Variants in RNF24 observed in about 807,000 individuals in gnomAD.
The protein encoded by RNF24 is ring finger protein 24.
Under a neutral mutation model 20.0 loss-of-function variants are expected in RNF24, and 14 were observed. The ratio of observed to expected loss-of-function variants is 0.70; its 90% CI spans 0.46 to 1.10. The LOEUF is 1.10. Among genes scored for constraint, RNF24 ranks in the 50% least tolerant of loss-of-function variants. RNF24 has a pLI of 0.00. For synonymous variants in RNF24, 45 were observed against 61.1 expected (o/e 0.74, Z 1.23); for missense variants, 124 against 177.6 (o/e 0.70, Z 1.71).
In RNF24 at chr20:3,934,143, G is replaced by A. The variant is rs1359102262; in HGVS notation, c.367C>T (p.Leu123=). 6.3e-7 allele frequency: 1 copy of A among 1,593,914 alleles called. No homozygotes were observed. Among genetic ancestry groups the A allele is most frequent in the South Asian group, 1.1e-5 (1 of 89,250 alleles). ...TTACTGTGCAACTGGGCCAGCTGTA[G>A]AACTGGCATGTTGCACAGGGGACAC... is the stretch of plus-strand genomic sequence containing the variant. ...KVCPLCNMPV[L]QLAQLHSKQD... is the part of the protein sequence containing the mutation. The change falls in exon 6 of 6, where the codon CTA becomes TTA. Residue 123 remains leucine (L), a synonymous_variant. Coordinates refer to ENST00000358395, the MANE Select transcript of RNF24 (RefSeq NM_001134337.3). This position sits in a 1 kb window ranked among gnomAD's most constrained non-coding sequence, Gnocchi z 4.0.
intron 1 of RNF24, among the ~76,000 whole-genome samples, chr20:4,000,270 T>A (rs1168138818): frequency 6.6e-6 from 1 of 152,192 alleles, no homozygotes; most frequent in East Asian, 1.9e-4. Flanking sequence ...AAGCCTGTGA[T>A]CCCAGCACTT....
chr20:3,952,944 G>T (rs1160035728), intron 2 of RNF24, among the ~76,000 whole-genome samples: 1 of 152,086 alleles, frequency 6.6e-6, no homozygotes, highest in African/African-American at 2.4e-5. Context: ...TGATGAAAAG[G>T]ATCGGTCTAT....
intron 1 of RNF24, among the ~76,000 whole-genome samples, chr20:3,997,329 G>A (rs1294321753): frequency 3.3e-5 from 5 of 151,150 alleles, no homozygotes; most frequent in Non-Finnish European, 7.4e-5. Context: ...CCAATATACT[G>A]ATGTTCTAGG....
intron 2 of RNF24, 72 bp downstream of exon 2, chr20:3,963,803 A>T: frequency 7.5e-7 from 1 of 1,329,294 alleles, no homozygotes; most frequent in Admixed American, 2.5e-5. Context: ...TTTTAAAAAA[A>T]ATCTGAGGAC....
At chr20:3,944,678 A>G (rs1374260630) in intron 4 of RNF24, among the ~76,000 whole-genome samples, 1 of 152,254 alleles carries the variant, frequency 6.6e-6, no homozygotes. Flanking sequence ...TTAAGTTACA[A>G]AGCACCTATG....
chr20:3,974,395 G>A, intron 1 of RNF24: 8 of 1,547,592 alleles, frequency 5.2e-6, no homozygotes, highest in Non-Finnish European at 7.0e-6. Flanking sequence ...CATAGTGCTG[G>A]AAGTTCTAGC....
At chr20:3,970,922 T>G (rs1978325275) in intron 1 of RNF24, among the ~76,000 whole-genome samples, 1 of 152,150 alleles carries the variant, frequency 6.6e-6, no homozygotes, top group Admixed American at 6.5e-5. Flanking sequence ...GGTGGGCACC[T>G]GTAATCCCAG....
intron 3 of RNF24, among the ~76,000 whole-genome samples, chr20:3,945,672 GC>G (rs1202494379): frequency 2.0e-5 from 3 of 148,404 alleles, no homozygotes; most frequent in Non-Finnish European, 4.4e-5. Context: ...CCGAGATCGT[GC>G]CATTGCACTC....
At chr20:3,956,983 CA>C (rs1429636726) in intron 2 of RNF24, among the ~76,000 whole-genome samples, 1 of 151,344 alleles carries the variant, frequency 6.6e-6, no homozygotes, top group Non-Finnish European at 1.5e-5. Context: ...TCTGTCTCTA[CA>C]AAAAATTGAA....
chr20:3,967,250 T>TA (rs1260179677), intron 1 of RNF24, among the ~76,000 whole-genome samples: 4 of 152,336 alleles, frequency 2.6e-5, no homozygotes, highest in Admixed American at 2.6e-4. Context: ...CTTACAAATA[T>TA]AAGTTATTTA....
chr20:3,946,693 C>A (rs1415548598), intron 3 of RNF24, among the ~76,000 whole-genome samples: 1,574 of 103,818 alleles, frequency 0.015, no homozygotes, highest in Middle Eastern at 0.021. Context: ...GAGACCCCGT[C>A]AAAAAAAAAA....
intron 1 of RNF24, among the ~76,000 whole-genome samples, chr20:4,012,651 T>C (rs1982553725): frequency 6.6e-6 from 1 of 152,212 alleles, no homozygotes. Context: ...ATTTTAAGGA[T>C]CTAAAAGTTA....
chr20:3,976,894 A>G (rs985198805), intron 1 of RNF24, among the ~76,000 whole-genome samples: 3 of 152,238 alleles, frequency 2.0e-5, no homozygotes, highest in Admixed American at 2.0e-4. Context: ...ATATTATACT[A>G]TAGTTTTACA....
chr20:3,944,391 C>CA (rs774909544), intron 4 of RNF24, among the ~76,000 whole-genome samples: 4 of 151,942 alleles, frequency 2.6e-5, no homozygotes, highest in Non-Finnish European at 4.4e-5. Context: ...TATTATGATT[C>CA]AAAAAACCTA....
chr20:4,005,348 G>GA (rs920219840), intron 1 of RNF24, among the ~76,000 whole-genome samples: 8 of 149,826 alleles, frequency 5.3e-5, no homozygotes, highest in Non-Finnish European at 7.4e-5. Flanking sequence ...TGTGATTTAA[G>GA]AAAAAAAAAA....
At chr20:3,991,897 C>T (rs369807146) in intron 1 of RNF24, among the ~76,000 whole-genome samples, 2 of 151,652 alleles carry the variant, frequency 1.3e-5, no homozygotes, top group African/African-American at 2.4e-5. Context: ...ATGAGATTGC[C>T]GTTTCATGAA....
intron 1 of RNF24, among the ~76,000 whole-genome samples, chr20:3,974,920 CAGAA>C (rs369917996): frequency 6.5e-4 from 98 of 150,954 alleles, no homozygotes; most frequent in African/African-American, 2.3e-3. Flanking sequence ...CAAATGTAGA[CAGAA>C]AGAAAGACAA....
chr20:3,945,066 C>A, intron 4 of RNF24, 111 bp downstream of exon 4: 2 of 1,388,488 alleles, frequency 1.4e-6, no homozygotes, highest in Non-Finnish European at 2.0e-6. Flanking sequence ...TTACCCCAAT[C>A]AAAATAAGCC....
At chr20:3,936,706 G>A (rs1289350429) in intron 4 of RNF24, among the ~76,000 whole-genome samples, 2 of 152,230 alleles carry the variant, frequency 1.3e-5, no homozygotes, top group Non-Finnish European at 2.9e-5. Context: ...CCCGCCTTCC[G>A]ACACAGGGTC....
Sources: allele counts gnomAD v4.1 joint callset (sites outside exome capture counted in the v4.1 genomes callset), GRCh38; gene constraint gnomAD v4.1.1; non-coding constraint Gnocchi (gnomAD v3.1); transcripts MANE v1.5; gene names NCBI Gene and HGNC (gene_info 2026-07-23, HGNC 2026-07-21).